Variants in PLEKHA7 observed in about 807,000 individuals in gnomAD.
The protein encoded by PLEKHA7 is pleckstrin homology domain-containing family A member 7.
A neutral mutation model predicts 170.0 loss-of-function variants in PLEKHA7; 104 were observed. The observed-to-expected ratio is 0.61, with a 90% confidence interval of 0.52 to 0.72. PLEKHA7 has a LOEUF of 0.72. PLEKHA7 is among the 30% of genes least tolerant of loss of function. The pLI, the probability that PLEKHA7 is intolerant of heterozygous loss-of-function variation, is 0.00. For missense variants in PLEKHA7, 1,615 were observed against 1,671.7 expected (o/e 0.97, Z 0.59); for synonymous variants, 648 against 660.8 (o/e 0.98, Z 0.30).
chr11:16,906,656 G>A (rs1366290533), intron 3 of PLEKHA7, among the ~76,000 whole-genome samples: 1 of 139,206 alleles, frequency 7.2e-6, no homozygotes, highest in Non-Finnish European at 1.5e-5. Context: ...GAGTGCAGTG[G>A]CGTGATCTCG....
intron 3 of PLEKHA7, among the ~76,000 whole-genome samples, chr11:17,010,753 T>C (rs933273635): frequency 3.3e-5 from 5 of 152,218 alleles, no homozygotes; most frequent in Admixed American, 1.3e-4. Context: ...TCGCTCTCAC[T>C]TTATGAGCCA....
intron 3 of PLEKHA7, among the ~76,000 whole-genome samples, chr11:17,003,906 C>T (rs778847908): frequency 3.3e-5 from 5 of 152,150 alleles, no homozygotes; most frequent in Admixed American, 6.5e-5. Context: ...TCCAAGGTTA[C>T]CACAACTGCT....
At chr11:16,859,910 T>C (rs1398920442) in intron 4 of PLEKHA7, among the ~76,000 whole-genome samples, 2 of 152,242 alleles carry the variant, frequency 1.3e-5, no homozygotes, top group African/African-American at 2.4e-5. Context: ...ATAAAACCTA[T>C]TGACTTAAAA....
Position 16,907,562 on chromosome 11 carries a change from G to A in PLEKHA7, c.222-36380C>T, listed in dbSNP as rs1380788742. Among the ~76,000 whole-genome samples, 26 of 120,354 alleles carry A rather than the reference G, an allele frequency of 2.2e-4. No individual in the cohort carries two copies. In the East Asian group the frequency reaches 3.7e-3, roughly 17 times the overall value. 79.0% of individuals were successfully genotyped at this position (120,354 alleles called of 152,430 possible). On this transcript the variant is annotated intron_variant, in intron 3 of 26. Transcript: ENST00000531066. ...CAGCCGCCCCGTCCGGGAGGGAGGC[G>A]GGGGGGTCAGCCCCCCGCCCGGCCA...
At chr11:16,889,751 C>T (rs542297358) in intron 3 of PLEKHA7, among the ~76,000 whole-genome samples, 84 of 152,094 alleles carry the variant, frequency 5.5e-4, no homozygotes, top group Non-Finnish European at 1.1e-3. Flanking sequence ...TTCAAGAAAA[C>T]TTCCCTGGTC....
chr11:16,931,764 C>A (rs56794211), intron 3 of PLEKHA7, among the ~76,000 whole-genome samples: 10 of 66,760 alleles, frequency 1.5e-4, no homozygotes, highest in Non-Finnish European at 2.1e-4. Context: ...ATCCCCCCCC[C>A]CCCAAAAAAA....
intron 13 of PLEKHA7, among the ~76,000 whole-genome samples, chr11:16,806,351 G>C (rs1355307800): frequency 6.6e-6 from 1 of 152,238 alleles, no homozygotes; most frequent in Admixed American, 6.5e-5. Context: ...TTTTAAAAGT[G>C]TGTTTGTTAT....
At chr11:16,911,390 C>T (rs950167490) in intron 3 of PLEKHA7, among the ~76,000 whole-genome samples, 1 of 152,148 alleles carries the variant, frequency 6.6e-6, no homozygotes, top group Non-Finnish European at 1.5e-5. Context: ...TGGGAGGCTA[C>T]TCTTGGAACA....
chr11:16,928,254 G>A (rs775986188), intron 3 of PLEKHA7, among the ~76,000 whole-genome samples: 5 of 152,072 alleles, frequency 3.3e-5, no homozygotes, highest in Non-Finnish European at 7.4e-5. Flanking sequence ...AGGTTGCAGC[G>A]AGCTATGATT....
At chr11:16,855,508 T>G in intron 5 of PLEKHA7, 1 of 367,600 alleles carries the variant, frequency 2.7e-6, no homozygotes, top group Non-Finnish European at 4.9e-6. Context: ...CAGGCTTGCT[T>G]TAACACACAG....
At chr11:16,950,106 G>C (rs945459777) in intron 3 of PLEKHA7, among the ~76,000 whole-genome samples, 8 of 151,008 alleles carry the variant, frequency 5.3e-5, no homozygotes, top group African/African-American at 7.3e-5. Flanking sequence ...GCGGAGCACA[G>C]AGAAGGGAGG....
intron 3 of PLEKHA7, among the ~76,000 whole-genome samples, chr11:16,889,420 A>AAAAAAAATATATATATATATATAT (rs61086849): frequency 1.3e-5 from 1 of 74,670 alleles, no homozygotes; most frequent in African/African-American, 6.3e-5. Flanking sequence ...AAAAAAAAAA[A>AAAAAAAATATATATATATATATAT]ATATATATAT....
At chr11:16,980,246 A>G (rs1863343390) in intron 3 of PLEKHA7, among the ~76,000 whole-genome samples, 1 of 152,232 alleles carries the variant, frequency 6.6e-6, no homozygotes, top group Non-Finnish European at 1.5e-5. Flanking sequence ...AGCATGTCAG[A>G]CACTGTACTC....
chr11:16,838,194 A>G (rs1206203895), intron 9 of PLEKHA7, among the ~76,000 whole-genome samples: 3 of 152,216 alleles, frequency 2.0e-5, no homozygotes, highest in Admixed American at 2.0e-4. Context: ...GATACAGGCA[A>G]TTCCCTTAAC....
At position 16,800,008 on chromosome 11, in the gene PLEKHA7, G is replaced by A. The variant is rs151097761; in HGVS notation, c.2409+966C>T. Among the ~76,000 whole-genome samples, 806 of 152,278 alleles carry A rather than the reference G, an allele frequency of 5.3e-3. 7 individuals carry two copies. The highest frequency in any genetic ancestry group is 6.8e-3 in the Middle Eastern group (2 of 294). Reference sequence around the variant, plus strand: ...ACTTTCTGGGGTGAGGCTAATGTCTGGAGAGTCAACATACTCATTAAATCA... The same window carrying A: ...ACTTTCTGGGGTGAGGCTAATGTCTAGAGAGTCAACATACTCATTAAATCA... On this transcript the variant is annotated intron_variant, in intron 17 of 26. Transcript: ENST00000531066.
At chr11:16,877,558 A>G (rs770482603) in intron 3 of PLEKHA7, among the ~76,000 whole-genome samples, 9 of 152,236 alleles carry the variant, frequency 5.9e-5, no homozygotes, top group Non-Finnish European at 1.3e-4. Flanking sequence ...GGGATTGAGA[A>G]TCTACTGAAA....
At chr11:16,896,306 G>A (rs1450938343) in intron 3 of PLEKHA7, among the ~76,000 whole-genome samples, 2 of 152,162 alleles carry the variant, frequency 1.3e-5, no homozygotes. Context: ...TGGAAGAATG[G>A]CTGTGACATT....
chr11:16,945,516 G>T (rs1860972027), intron 3 of PLEKHA7, among the ~76,000 whole-genome samples: 1 of 152,146 alleles, frequency 6.6e-6, no homozygotes, highest in Non-Finnish European at 1.5e-5. Flanking sequence ...TGTAGTGCTT[G>T]GTAAGGGATG....
chr11:16,789,559 G>A lies in PLEKHA7; in HGVS notation c.3156+216C>T. 1.6e-6 allele frequency: 1 copy of A among 616,926 alleles called. No individual in the cohort carries two copies. Among genetic ancestry groups the A allele is most frequent in the Non-Finnish European group, 2.8e-6 (1 of 352,254 alleles). 38.2% of individuals were successfully genotyped at this position (616,926 alleles called of 1,614,324 possible). A position where few individuals can be genotyped will look rare whatever the true frequency, so the allele number is the denominator to read the frequency against. On this transcript the variant is annotated intron_variant, in intron 22 of 26. Coordinates refer to ENST00000531066, the MANE Select transcript of PLEKHA7 (RefSeq NM_001329630.2). The surrounding 1 kb of genome is among the most constrained non-coding windows in gnomAD (Gnocchi z 4.6). ...AGTGAGGCCAGAACCCAGGGTGCAGGCTTCTTGAGCTCCCTCCTGCCACCC... is the reference window on the plus strand; with the variant it reads ...AGTGAGGCCAGAACCCAGGGTGCAGACTTCTTGAGCTCCCTCCTGCCACCC...
Sources: gnomAD v4.1 joint callset for allele counts (sites outside exome capture counted in the v4.1 genomes callset) on GRCh38, gnomAD v4.1.1 for gene constraint, Gnocchi (gnomAD v3.1) non-coding constraint, MANE v1.5 for transcripts, NCBI Gene and HGNC (gene_info 2026-07-23, HGNC 2026-07-21) for gene names.